The following LRP2 variants were observed in gnomAD, a reference collection of about 807,000 sequenced individuals.
LRP2 encodes LDL receptor related protein 2.
In LRP2, 172 loss-of-function variants were observed where a neutral mutation model predicts 531.0. The observed-to-expected ratio is 0.32, with a 90% CI of 0.29 to 0.37. The LOEUF (loss-of-function observed/expected upper bound fraction) is 0.37. Among genes scored for constraint, LRP2 ranks in the 10% least tolerant of loss-of-function variants. The pLI is 1.00. For missense variants in LRP2, 5,167 were observed against 5,868.3 expected, an observed-to-expected ratio of 0.88 and a Z score of 3.90; for synonymous variants, 1,992 against 2,027.6, an observed-to-expected ratio of 0.98 and a Z score of 0.47.
chr2:169,231,290 T>C lies in LRP2; in HGVS notation c.5227+424A>G, dbSNP rs137856915. ...GTCTGGGCATCAGAGCAAGACCCTG[T>C]CTCAGAAAGAAAAAAAAAAGAAAGA... On this transcript the variant is annotated intron_variant, in intron 31 of 78. Transcript: ENST00000649046. Among the ~76,000 whole-genome samples the C allele has an allele frequency of 3.3e-3, 431 of 132,484 alleles. 9 individuals carry two copies. In the East Asian group the frequency reaches 0.075, roughly 23 times the overall value. The allele number at this position is 132,484 out of a possible 152,430, so 86.9% of individuals were successfully genotyped here.
rs749626988 is a variant in LRP2 at position 169,207,700 on chromosome 2, A to G, written c.6470-450T>C. On this transcript the variant is annotated intron_variant, in intron 38 of 78. Transcript: ENST00000649046. Reference sequence around the variant, plus strand: ...CTCAGGTTGTTATTAATGTTATCAAATGGTCTTTGAACTTAAGGTTAACAT... The same window carrying G: ...CTCAGGTTGTTATTAATGTTATCAAGTGGTCTTTGAACTTAAGGTTAACAT... Among the ~76,000 whole-genome samples, 14 of 152,322 alleles carry G rather than the reference A, an allele frequency of 9.2e-5. No homozygotes were observed. The East Asian group carries it at 2.7e-3, about 29-fold the overall frequency.
chr2:169,165,115 T>C (rs528488938), intron 62 of LRP2, among the ~76,000 whole-genome samples: 2 of 152,168 alleles, frequency 1.3e-5, no homozygotes, highest in Non-Finnish European at 2.9e-5. Context: ...GGGCTGGAAG[T>C]AAGCATTCTG....
In LRP2 at chr2:169,241,268, G is replaced by T; in HGVS notation, c.3765C>A (p.Asp1255Glu). ...PNFWECDGHP[D>E]CLYGSDEHNA... ...TGTGCTCATCAGATCCATAGAGGCA[G>T]TCTGGATGCCCATCACATTCCCAGA... Residue 1255 changes from aspartate (D) to glutamate (E), a missense_variant, in exon 25 of 79, where the codon GAC (aspartate) becomes GAA (glutamate). Physicochemically the swap from Asp to Glu is conservative, Grantham distance 45 (BLOSUM62 2). Coordinates refer to ENST00000649046, the MANE Select transcript of LRP2 (RefSeq NM_004525.3). 1 of 1,614,188 alleles carries T rather than the reference G, an allele frequency of 6.2e-7. No individual in the cohort carries two copies. The highest frequency in any genetic ancestry group is 8.5e-7 in the Non-Finnish European group (1 of 1,180,030).
intron 74 of LRP2, 47 bp from the exon 75 acceptor site, chr2:169,138,753 C>T: frequency 6.2e-7 from 1 of 1,605,518 alleles, no homozygotes; most frequent in East Asian, 2.2e-5. Flanking sequence ...AAAACAACAA[C>T]AACAAAAACA....
chr2:169,315,110 C>A (rs1025430746), intron 3 of LRP2, among the ~76,000 whole-genome samples: 6 of 152,142 alleles, frequency 3.9e-5, no homozygotes, highest in African/African-American at 1.4e-4. Context: ...AGAGAGCAAA[C>A]AAATTAAAAT....
Position 169,198,835 on chromosome 2 carries a change from G to A in LRP2, c.8529C>T (p.Asp2843=), listed in dbSNP as rs144486598. 1.0e-4 allele frequency: 166 copies of A among 1,613,804 alleles called. No individual in the cohort carries two copies. The highest frequency in any genetic ancestry group is 7.7e-4 in the African/African-American group (58 of 74,898). Residue 2843 remains aspartate (D), a synonymous_variant, in exon 45 of 79, where the codon GAC becomes GAT. Coordinates refer to ENST00000649046, the MANE Select transcript of LRP2 (RefSeq NM_004525.3). Reference sequence around the variant, plus strand: ...TGTTATCTCCACAGTCATTGTCTCCGTCACACAAATAAACGCGAGGAATAC... The same window carrying A: ...TGTTATCTCCACAGTCATTGTCTCCATCACACAAATAAACGCGAGGAATAC... ...NICIPRVYLC[D]GDNDCGDNSD...
In LRP2 at chr2:169,284,256, C is replaced by CTTTTTTTTTTTTTTTTT. The variant is rs1216987363; in HGVS notation, c.1043-1272_1043-1256dup. Among the ~76,000 whole-genome samples the CTTTTTTTTTTTTTTTTT allele has an allele frequency of 8.3e-4, 80 of 96,638 alleles. 4 individuals are homozygous for CTTTTTTTTTTTTTTTTT. The highest frequency in any genetic ancestry group is 3.1e-3 in the African/African-American group (71 of 22,702). The allele number at this position is 96,638 out of a possible 152,430, so 63.4% of individuals were successfully genotyped here. On this transcript the variant is annotated intron_variant, in intron 9 of 78. Transcript: ENST00000649046. ...CTTTTCTTTTCTTTTTCTTTTTTTTCTTTTTTTTTTTTTTTTTTTTTTTTT... is the reference window on the plus strand; with the variant it reads ...CTTTTCTTTTCTTTTTCTTTTTTTTCTTTTTTTTTTTTTTTTTTTTTTTTTTTTTTTTTTTTTTTTTT...
intron 76 of LRP2, among the ~76,000 whole-genome samples, chr2:169,136,483 AAAG>A (rs1387543729): frequency 6.6e-6 from 1 of 152,176 alleles, no homozygotes; most frequent in Non-Finnish European, 1.5e-5. Flanking sequence ...AAGAATCACA[AAAG>A]AAGTGAAAAT....
chr2:169,301,146 C>T (rs963748270), intron 4 of LRP2, among the ~76,000 whole-genome samples: 5 of 151,980 alleles, frequency 3.3e-5, no homozygotes, highest in East Asian at 1.9e-4. Context: ...TGCAAACCAA[C>T]GATAATTAGC....
At chr2:169,202,190 A>C (rs1688225366) in intron 43 of LRP2, among the ~76,000 whole-genome samples, 1 of 152,222 alleles carries the variant, frequency 6.6e-6, no homozygotes, top group South Asian at 2.1e-4. Flanking sequence ...GAAAATAAAA[A>C]CTCCTAGCCC....
chr2:169,187,327 T>A (rs2105304415), intron 49 of LRP2, among the ~76,000 whole-genome samples: 1 of 152,258 alleles, frequency 6.6e-6, no homozygotes, highest in East Asian at 1.9e-4. Flanking sequence ...ATGCTTTCAA[T>A]GAGTACTGAC....
intron 4 of LRP2, among the ~76,000 whole-genome samples, chr2:169,299,063 GA>G (rs1684203866): frequency 8.0e-6 from 1 of 125,262 alleles, no homozygotes; most frequent in South Asian, 2.6e-4. Flanking sequence ...AAAGAAGAAA[GA>G]AAGAAGGAAA....
At chr2:169,344,653 T>G (rs556956976) in intron 1 of LRP2, among the ~76,000 whole-genome samples, 1 of 152,310 alleles carries the variant, frequency 6.6e-6, no homozygotes, top group Admixed American at 6.5e-5. Context: ...TTCATTTTAT[T>G]ATATCCCTCA....
intron 9 of LRP2, among the ~76,000 whole-genome samples, chr2:169,285,376 A>G (rs1213161136): frequency 3.3e-5 from 5 of 152,118 alleles, no homozygotes; most frequent in Non-Finnish European, 7.4e-5. Flanking sequence ...ACTATAGAGG[A>G]ATATGAAGGT....
intron 64 of LRP2, 33 bp from the exon 65 acceptor site, chr2:169,156,438 C>T: frequency 6.2e-7 from 1 of 1,612,528 alleles, no homozygotes; most frequent in Non-Finnish European, 8.5e-7. Flanking sequence ...TACGCAACAT[C>T]TGTTCCCATC....
In LRP2 at chr2:169,216,375, T is replaced by C; in HGVS notation, c.5704A>G (p.Ser1902Gly). 8 of 1,613,676 alleles carry C rather than the reference T, an allele frequency of 5.0e-6. No homozygotes were observed. The highest frequency in any genetic ancestry group is 5.9e-6 in the Non-Finnish European group (7 of 1,179,700). The change falls in exon 35 of 79, where the codon AGT (serine) becomes GGT (glycine). Residue 1902 changes from serine to glycine, a missense_variant. By Grantham distance (56) the Ser-to-Gly change is moderately conservative. Around this residue, in one of 6 missense-constraint regions of LRP2, gnomAD observed 2,811 missense variants for 3,058.0 expected, o/e 0.92. Coordinates refer to ENST00000649046, the MANE Select transcript of LRP2 (RefSeq NM_004525.3). ...TDSGVPAKIA[S>G]ANMDGTSVKT... ...ACAGATGTGCCATCCATGTTAGCACTGGCGATCTTGGCAGGAACCCCACTG... is the reference window on the plus strand; with the variant it reads ...ACAGATGTGCCATCCATGTTAGCACCGGCGATCTTGGCAGGAACCCCACTG...
chr2:169,168,018 A>AATATATATATATAT (rs4001548), intron 61 of LRP2, among the ~76,000 whole-genome samples: 1,892 of 68,016 alleles, frequency 0.028, 151 homozygotes, highest in Non-Finnish European at 0.033. Flanking sequence ...CAGGGTTTAA[A>AATATATATATATAT]ATATATATAT....
At chr2:169,320,386 C>T (rs1032321103) in intron 2 of LRP2, among the ~76,000 whole-genome samples, 2 of 152,170 alleles carry the variant, frequency 1.3e-5, no homozygotes, top group Non-Finnish European at 2.9e-5. Flanking sequence ...TCCTCTTTGA[C>T]TTACAAATCA....
rs139943493 is a variant in LRP2 at position 169,206,552 on chromosome 2, G to T, written c.7168C>A (p.Leu2390Ile). 1 of 1,614,052 alleles carries T rather than the reference G, an allele frequency of 6.2e-7. No individual in the cohort carries two copies. The highest frequency in any genetic ancestry group is 1.3e-5 in the African/African-American group (1 of 74,932). ...AAGGAATTAGACAAGGCAAAGATGA[G>T]GAAATTTTCTGTTGAAATGGCACAA... is the stretch of plus-strand genomic sequence containing the variant. ...KNCAISTENF[L>I]IFALSNSLRS... Residue 2390 changes from leucine (L) to isoleucine (I), a missense_variant, in exon 39 of 79, where the codon CTC becomes ATC. This residue lies in a region of LRP2 where 2,811 missense variants were observed against 3,058.0 expected (regional missense o/e 0.92). Coordinates refer to ENST00000649046, the MANE Select transcript of LRP2 (RefSeq NM_004525.3).
Sources: gnomAD v4.1 joint callset for allele counts (sites outside exome capture counted in the v4.1 genomes callset) on GRCh38, gnomAD v4.1.1 for gene constraint, gnomAD v4.1.1 regional missense constraint, MANE v1.5 for transcripts, NCBI Gene and HGNC (gene_info 2026-07-23, HGNC 2026-07-21) for gene names.